Variants in SLC5A10 observed in about 807,000 individuals in gnomAD.
The protein encoded by SLC5A10 is solute carrier family 5 member 10, also known as sodium/mannose cotransporter SLC5A10.
SLC5A10 carries 55 observed loss-of-function variants against 68.9 expected under a neutral mutation model. The ratio of observed to expected loss-of-function variants is 0.80; its 90% CI spans 0.64 to 1.00. The LOEUF (loss-of-function observed/expected upper bound fraction) is 1.00, where lower values mean the gene tolerates loss of function less well. Among genes scored for constraint, SLC5A10 ranks in the 50% least tolerant of loss-of-function variants. The pLI, the probability that SLC5A10 is intolerant of heterozygous loss-of-function variation, is 0.00. For synonymous variants in SLC5A10, 344 were observed against 344.8 expected (o/e 1.00, Z 0.02); for missense variants, 732 against 819.3 (o/e 0.89, Z 1.30).
chr17:19,009,708 G>A (rs1323209992), intron 9 of SLC5A10, among the ~76,000 whole-genome samples: 2 of 152,088 alleles, frequency 1.3e-5, no homozygotes, highest in East Asian at 1.9e-4. Context: ...AACAGACACT[G>A]GCAGAAGCTA....
At chr17:18,989,192 C>A (rs2043348232) in intron 9 of SLC5A10, among the ~76,000 whole-genome samples, 1 of 151,480 alleles carries the variant, frequency 6.6e-6, no homozygotes, top group African/African-American at 2.4e-5. Context: ...GAGCCTGGCA[C>A]CACCATCCCT....
At chr17:18,986,688 C>T (rs1389201456) in intron 9 of SLC5A10, among the ~76,000 whole-genome samples, 1 of 152,222 alleles carries the variant, frequency 6.6e-6, no homozygotes, top group Non-Finnish European at 1.5e-5. Context: ...AGTGGCTGGC[C>T]CCAGGTTAGG....
Position 19,004,838 on chromosome 17 carries a change from C to G in SLC5A10, c.983-8572C>G, listed in dbSNP as rs1042335326. 6.6e-6 allele frequency: 1 copy of G among 151,780 alleles called. No homozygotes were observed. Among genetic ancestry groups the G allele is most frequent in the Non-Finnish European group, 1.5e-5 (1 of 67,886 alleles). The allele number at this position is 151,780 out of a possible 1,614,324, so 9.4% of individuals were successfully genotyped here. The stretch of plus-strand genomic sequence containing the variant: ...CGCCGCCACCTGCGGTCACGTGCCG[C>G]CCGGGGCGGGGCCGGAAGCTGATTC... On this transcript the variant is annotated intron_variant, in intron 9 of 14. Transcript: ENST00000395645. The surrounding 1 kb of genome is among the most constrained non-coding windows in gnomAD (Gnocchi z 5.4).
chr17:18,964,444 A>T (rs546882280), intron 5 of SLC5A10, among the ~76,000 whole-genome samples: 1 of 152,292 alleles, frequency 6.6e-6, no homozygotes, highest in African/African-American at 2.4e-5. Context: ...GCCCTATGGA[A>T]ATCACCTACT....
At chr17:18,959,487 G>C in intron 3 of SLC5A10, 117 bp from the exon 4 acceptor site, 1 of 1,172,766 alleles carries the variant, frequency 8.5e-7, no homozygotes, top group South Asian at 1.3e-5. Context: ...TGGCAAGTCA[G>C]GAGGGGCTGG....
At position 19,017,781 on chromosome 17, in the gene SLC5A10, T is replaced by A. The variant is rs2044171940; in HGVS notation, c.1242-1642T>A. The A allele has an allele frequency of 5.4e-6, 1 of 184,048 alleles. No individual in the cohort carries two copies. Among genetic ancestry groups the A allele is most frequent in the African/African-American group, 2.4e-5 (1 of 42,346 alleles). 11.4% of individuals were successfully genotyped at this position (184,048 alleles called of 1,614,324 possible). ...CCTCCTTGAGATGTTCCACAGTAAC[T>A]GTGGCTGCAGCCCAGGGAGATGCTG... On this transcript the variant is annotated intron_variant, in intron 11 of 14. Transcript: ENST00000395645. The surrounding 1 kb of genome is among the most constrained non-coding windows in gnomAD (Gnocchi z 5.6).
intron 1 of SLC5A10, among the ~76,000 whole-genome samples, chr17:18,955,933 G>T (rs1489984875): frequency 6.6e-6 from 1 of 152,200 alleles, no homozygotes; most frequent in African/African-American, 2.4e-5. Flanking sequence ...GGTGGCTCAT[G>T]CCTGTAATCC....
Position 19,019,431 on chromosome 17 carries a change from T to G in SLC5A10, c.1250T>G (p.Ile417Arg), listed in dbSNP as rs1481584677. 8.1e-6 allele frequency: 13 copies of G among 1,610,480 alleles called. No homozygotes were observed. In the South Asian group the frequency reaches 1.4e-4, roughly 18 times the overall value. ...CTTCCACTCGCCTGCAGGCTGGTCA[T>G]AGTGGCACTCATCGGCGTGAGTGTG... is the stretch of plus-strand genomic sequence containing the variant. ...RELLLVGRLV[I>R]VALIGVSVAW... Residue 417 changes from isoleucine (I) to arginine (R), a missense_variant, in exon 12 of 15, where the codon ATA (isoleucine) becomes AGA (arginine). Transcript: ENST00000395645.
rs200817890 is a variant in SLC5A10, at chr17:18,978,533, C to T, written c.982+1544C>T. ...CCCTGGATGCTCAGCCAGCGCTGGG[C>T]CTTTCAGCCCCAGGGGCTTCTTGGC... is the stretch of plus-strand genomic sequence containing the variant. On this transcript the variant is annotated intron_variant, in intron 9 of 14. Coordinates refer to ENST00000395645, the MANE Select transcript of SLC5A10 (RefSeq NM_001042450.4). 654 of 1,613,364 alleles carry T rather than the reference C, an allele frequency of 4.1e-4. No homozygotes were observed. The highest frequency in any genetic ancestry group is 5.3e-4 in the Non-Finnish European group (627 of 1,179,986).
chr17:18,951,900 T>A (rs557833538), upstream of SLC5A10: 81 of 359,742 alleles, frequency 2.3e-4, no homozygotes, highest in African/African-American at 1.2e-3. Context: ...TGCCTCCGGG[T>A]CCACTAAATG....
chr17:19,003,705 G>C lies in SLC5A10; in HGVS notation c.983-9705G>C, dbSNP rs1450923750. 2.5e-6 allele frequency: 4 copies of C among 1,605,648 alleles called. No individual in the cohort carries two copies. The highest frequency in any genetic ancestry group is 2.6e-6 in the Non-Finnish European group (3 of 1,176,070). Reference sequence around the variant, plus strand: ...GGCCAGTACTCCAGGGAGGGCAGCGGCTCGGCCTCGATGGGGACCCCATCC... The same window carrying C: ...GGCCAGTACTCCAGGGAGGGCAGCGCCTCGGCCTCGATGGGGACCCCATCC... On this transcript the variant is annotated intron_variant, in intron 9 of 14. Coordinates refer to ENST00000395645, the MANE Select transcript of SLC5A10 (RefSeq NM_001042450.4). The surrounding 1 kb of genome is among the most constrained non-coding windows in gnomAD (Gnocchi z 4.5).
chr17:18,998,286 A>G (rs1002705162), intron 9 of SLC5A10, among the ~76,000 whole-genome samples: 7 of 152,182 alleles, frequency 4.6e-5, no homozygotes, highest in Non-Finnish European at 1.0e-4. Flanking sequence ...CTGCGTCAAG[A>G]CAAGGCCTGA....
intron 9 of SLC5A10, among the ~76,000 whole-genome samples, chr17:18,997,284 G>C (rs1340906383): frequency 6.6e-6 from 1 of 152,248 alleles, no homozygotes; most frequent in Non-Finnish European, 1.5e-5. Flanking sequence ...TCATGGCTCA[G>C]GAATACTGCA....
intron 9 of SLC5A10, among the ~76,000 whole-genome samples, chr17:18,988,637 C>T (rs1333551328): frequency 1.3e-5 from 2 of 152,256 alleles, no homozygotes; most frequent in African/African-American, 4.8e-5. Context: ...GCCCAGGGGC[C>T]CTGTGTTGGT....
rs375378878 is a variant in SLC5A10, at chr17:18,959,613, G to A, written c.298G>A (p.Val100Met). ...GTCTCTGTCCCCATAGGCCACGTAC[G>A]TGCTGCTGGCACTGGCATGGGTGTT... ...VAGFEWNATY[V>M]LLALAWVFVP... Residue 100 changes from valine (V) to methionine (M), a missense_variant, in exon 4 of 15, where the codon GTG (valine) becomes ATG (methionine). Val to Met is a conservative substitution (Grantham distance 21, BLOSUM62 1). Coordinates refer to ENST00000395645, the MANE Select transcript of SLC5A10 (RefSeq NM_001042450.4). 2.0e-5 allele frequency: 33 copies of A among 1,613,834 alleles called. No individual in the cohort carries two copies. Among genetic ancestry groups the A allele is most frequent in the East Asian group, 4.5e-5 (2 of 44,886 alleles).
At chr17:18,973,779 C>A (rs1271345097) in intron 8 of SLC5A10, among the ~76,000 whole-genome samples, 1 of 152,046 alleles carries the variant, frequency 6.6e-6, no homozygotes, top group Admixed American at 6.6e-5. Context: ...CTCACTGCAA[C>A]CTCCGCCTCC....
intron 9 of SLC5A10, among the ~76,000 whole-genome samples, chr17:18,986,691 A>G (rs1567796966): frequency 6.6e-6 from 1 of 152,174 alleles, no homozygotes; most frequent in Non-Finnish European, 1.5e-5. Flanking sequence ...GGCTGGCCCC[A>G]GGTTAGGGTC....
chr17:19,012,062 C>T lies in SLC5A10; in HGVS notation c.983-1348C>T, dbSNP rs539974323. On this transcript the variant is annotated intron_variant, in intron 9 of 14. Transcript: ENST00000395645. Reference sequence around the variant, plus strand: ...CAGTCAGCTTGTTTCTGAACTCCCCCGTAATCATCATCTTCTGGTTAGCTC... The same window carrying T: ...CAGTCAGCTTGTTTCTGAACTCCCCTGTAATCATCATCTTCTGGTTAGCTC... 5.3e-5 allele frequency among the ~76,000 whole-genome samples: 8 copies of T among 152,228 alleles called. No individual in the cohort carries two copies. In the East Asian group the frequency reaches 9.6e-4, roughly 18 times the overall value.
At chr17:18,988,927 C>T (rs1033411357) in intron 9 of SLC5A10, among the ~76,000 whole-genome samples, 1 of 152,220 alleles carries the variant, frequency 6.6e-6, no homozygotes, top group African/African-American at 2.4e-5. Flanking sequence ...CCCAGCCAAG[C>T]ACCACCAACA....
Sources: gnomAD v4.1 joint callset for allele counts (sites outside exome capture counted in the v4.1 genomes callset) on GRCh38, gnomAD v4.1.1 for gene constraint, Gnocchi (gnomAD v3.1) non-coding constraint, MANE v1.5 for transcripts, NCBI Gene and HGNC (gene_info 2026-07-23, HGNC 2026-07-21) for gene names.